The following SAMTOR variants were observed in gnomAD, a reference collection of about 807,000 sequenced individuals.
SAMTOR encodes S-adenosylmethionine sensor upstream of mTORC1, also known as UPF0532 protein C7orf60.
chr7:112,925,633 C>G, the SAMTOR span, among the ~76,000 whole-genome samples: 2 of 151,784 alleles, frequency 1.3e-5, no homozygotes, highest in Non-Finnish European at 2.9e-5. Context: ...GCGTCTACTA[C>G]AAAATACAAA....
At chr7:112,920,209 T>C in the SAMTOR span, among the ~76,000 whole-genome samples, 1 of 151,866 alleles carries the variant, frequency 6.6e-6, no homozygotes. Flanking sequence ...AATAAAATAC[T>C]GGCAAACTGA....
the SAMTOR span, among the ~76,000 whole-genome samples, chr7:112,861,826 C>A: frequency 6.6e-6 from 1 of 151,966 alleles, no homozygotes. Flanking sequence ...AACCTTTTCC[C>A]GAATAGTCTA....
the SAMTOR span, among the ~76,000 whole-genome samples, chr7:112,922,894 C>CT: frequency 7.8e-5 from 11 of 141,476 alleles, no homozygotes; most frequent in African/African-American, 3.0e-4. Context: ...GGTCAGCCCC[C>CT]CCCCCCCGGG....
chr7:112,906,987 T>C, the SAMTOR span, among the ~76,000 whole-genome samples: 1 of 152,190 alleles, frequency 6.6e-6, no homozygotes, highest in Non-Finnish European at 1.5e-5. Flanking sequence ...GTTGGACCAG[T>C]TGATCCTAAA....
the SAMTOR span, among the ~76,000 whole-genome samples, chr7:112,916,259 G>A: frequency 6.6e-6 from 1 of 152,132 alleles, no homozygotes; most frequent in South Asian, 2.1e-4. Flanking sequence ...ACATCACTGT[G>A]ATGACTAATA....
At chr7:112,925,354 C>A in the SAMTOR span, among the ~76,000 whole-genome samples, 1 of 152,142 alleles carries the variant, frequency 6.6e-6, no homozygotes, top group Non-Finnish European at 1.5e-5. Flanking sequence ...AGAATCTATA[C>A]ATTATAAGTA....
chr7:112,922,891 C>A, the SAMTOR span, among the ~76,000 whole-genome samples: 164 of 6,382 alleles, frequency 0.026, no homozygotes, highest in East Asian at 0.14. Flanking sequence ...GGGGGTCAGC[C>A]CCCCCCCCCC....
chr7:112,849,454 A>AG, the SAMTOR span, among the ~76,000 whole-genome samples: 3 of 152,174 alleles, frequency 2.0e-5, no homozygotes, highest in African/African-American at 7.2e-5. Flanking sequence ...CCATGAAATG[A>AG]GGGGGTAGAA....
chr7:112,939,789 C>A, the SAMTOR span: 19 of 1,511,470 alleles, frequency 1.3e-5, 1 homozygote, highest in Middle Eastern at 2.3e-4. Flanking sequence ...CTCAGGCCCC[C>A]GCAGACGCTC....
the SAMTOR span, among the ~76,000 whole-genome samples, chr7:112,862,923 C>CAA: frequency 3.6e-4 from 49 of 137,672 alleles, no homozygotes; most frequent in East Asian, 6.5e-3. Flanking sequence ...CGTGAGACTC[C>CAA]AAAAAAAAAA....
At chr7:112,929,218 T>A in the SAMTOR span, among the ~76,000 whole-genome samples, 2 of 148,940 alleles carry the variant, frequency 1.3e-5, no homozygotes, top group Non-Finnish European at 1.5e-5. Flanking sequence ...AAAAGATATA[T>A]AAAAAAAACC....
chr7:112,935,164 A>G, the SAMTOR span: 117 of 416,394 alleles, frequency 2.8e-4, no homozygotes, highest in African/African-American at 2.3e-3. Context: ...GAAGAACACA[A>G]AAAGAAAACA....
the SAMTOR span, among the ~76,000 whole-genome samples, chr7:112,901,007 G>C: frequency 2.6e-5 from 4 of 152,128 alleles, no homozygotes; most frequent in African/African-American, 9.7e-5. Flanking sequence ...TGACACCAAA[G>C]GCATGATCTG....
At chr7:112,919,880 C>T in the SAMTOR span, among the ~76,000 whole-genome samples, 19 of 152,082 alleles carry the variant, frequency 1.2e-4, no homozygotes, top group East Asian at 1.9e-4. Flanking sequence ...ACACATACAC[C>T]CTCCCAAGAC....
the SAMTOR span, among the ~76,000 whole-genome samples, chr7:112,852,670 ATTCTAGTTTTTC>A: frequency 6.6e-6 from 1 of 152,214 alleles, no homozygotes; most frequent in South Asian, 2.1e-4. Context: ...CTCTTGCCCA[ATTCTAGTTTTTC>A]TATATCAACT....
At chr7:112,857,038 GA>G in the SAMTOR span, among the ~76,000 whole-genome samples, 6 of 128,600 alleles carry the variant, frequency 4.7e-5, no homozygotes, top group African/African-American at 8.4e-5. Context: ...TTATGCTAAA[GA>G]AAAAAAATAA....
chr7:112,897,608 A>G, the SAMTOR span, among the ~76,000 whole-genome samples: 4 of 152,194 alleles, frequency 2.6e-5, no homozygotes, highest in Non-Finnish European at 5.9e-5. Flanking sequence ...AAAAGCACTT[A>G]CCATTTATAC....
the SAMTOR span, among the ~76,000 whole-genome samples, chr7:112,906,143 G>A: frequency 1.3e-5 from 2 of 152,126 alleles, no homozygotes; most frequent in Non-Finnish European, 2.9e-5. Context: ...CCCAAGAAGT[G>A]CATCATTAAG....
chr7:112,862,004 A>C, the SAMTOR span, among the ~76,000 whole-genome samples: 1 of 152,240 alleles, frequency 6.6e-6, no homozygotes, highest in Non-Finnish European at 1.5e-5. Context: ...CTTTAATCCA[A>C]GAACGTTGGG....
Sources: allele counts gnomAD v4.1 joint callset (sites outside exome capture counted in the v4.1 genomes callset), GRCh38; gene constraint gnomAD v4.1.1; transcripts MANE v1.5; gene names NCBI Gene and HGNC (gene_info 2026-07-23, HGNC 2026-07-21).